The following NIPAL1 variants were observed in gnomAD, a reference collection of about 807,000 sequenced individuals.
NIPAL1 encodes magnesium transporter NIPA3.
NIPAL1 carries 35 observed loss-of-function variants against 37.7 expected under a neutral mutation model. The observed-to-expected ratio is 0.93, with a 90% CI of 0.71 to 1.23. The LOEUF is 1.23. Ranked by LOEUF, NIPAL1 falls within the 50% of genes most tolerant of loss-of-function variation. NIPAL1 has a pLI of 0.00. For missense variants in NIPAL1, 412 were observed against 473.9 expected, an observed-to-expected ratio of 0.87 and a Z score of 1.21; for synonymous variants, 162 against 183.0, an observed-to-expected ratio of 0.89 and a Z score of 0.93.
In NIPAL1 at chr4:48,039,781, T is replaced by C. The variant is rs1157713606; in HGVS notation, c.*3609T>C. ...AAATGTACTTTTCTTTGAATCAACA[T>C]TTGAATTCTTACAGTCTTGTCACTA... On this transcript the variant is annotated 3_prime_UTR_variant, in exon 6 of 6. Coordinates refer to ENST00000295461, the MANE Select transcript of NIPAL1 (RefSeq NM_207330.3). 6.6e-6 allele frequency: 1 copy of C among 152,222 alleles called. No individual in the cohort carries two copies. The highest frequency in any genetic ancestry group is 2.4e-5 in the African/African-American group (1 of 41,468). The allele number at this position is 152,222 out of a possible 1,614,324, so 9.4% of individuals were successfully genotyped here.
chr4:48,030,315 A>G (rs1719993559), intron 3 of NIPAL1, 139 bp downstream of exon 3: 2 of 568,274 alleles, frequency 3.5e-6, no homozygotes, highest in South Asian at 4.0e-5. Flanking sequence ...GTGTTAGTCA[A>G]TATATTGTCC....
At chr4:48,025,823 C>T (rs1715673615) in intron 2 of NIPAL1, among the ~76,000 whole-genome samples, 1 of 152,172 alleles carries the variant, frequency 6.6e-6, no homozygotes, top group African/African-American at 2.4e-5. Flanking sequence ...TCTGCCACCT[C>T]TCCAACTTCC....
chr4:48,036,264 C>T lies in NIPAL1; in HGVS notation c.*92C>T. 1.6e-6 allele frequency: 2 copies of T among 1,290,264 alleles called. No homozygotes were observed. Among genetic ancestry groups the T allele is most frequent in the Non-Finnish European group, 2.1e-6 (2 of 940,310 alleles). The allele number at this position is 1,290,264 out of a possible 1,614,324, so 79.9% of individuals were successfully genotyped here. On this transcript the variant is annotated 3_prime_UTR_variant, in exon 6 of 6. Transcript: ENST00000295461. ...TTGGAAGAACTGCTAGGAAAGTTAG[C>T]ATTTTTGCAGTTCTAACTAATTTAG...
At chr4:48,032,211 C>T (rs527511609) in intron 3 of NIPAL1, among the ~76,000 whole-genome samples, 2 of 152,336 alleles carry the variant, frequency 1.3e-5, no homozygotes, top group African/African-American at 4.8e-5. Context: ...CTTTCTCTCT[C>T]TACAATAAGC....
chr4:48,030,181 G>T lies in NIPAL1; in HGVS notation c.370+5G>T. ...GGTGGGTAGGATTGCTGTCAAGTAA[G>T]TTTTTAATACTGAGAATACTGTTTA... On this transcript the variant is annotated splice_donor_5th_base_variant and intron_variant, in intron 3 of 5. Transcript: ENST00000295461. 1 of 1,537,900 alleles carries T rather than the reference G, an allele frequency of 6.5e-7. No individual in the cohort carries two copies. The highest frequency in any genetic ancestry group is 9.0e-7 in the Non-Finnish European group (1 of 1,111,018).
Position 48,036,069 on chromosome 4 carries a change from C to G in NIPAL1, c.1130C>G (p.Ser377Cys). 2 of 1,609,782 alleles carry G rather than the reference C, an allele frequency of 1.2e-6. No homozygotes were observed. The highest frequency in any genetic ancestry group is 8.5e-7 in the Non-Finnish European group (1 of 1,179,044). Residue 377 changes from serine to cysteine, a missense_variant, in exon 6 of 6, where the codon TCT (serine) becomes TGT (cysteine). Ser to Cys is a moderately radical substitution (Grantham distance 112). Transcript: ENST00000295461. The stretch of plus-strand genomic sequence containing the variant: ...TCCACTGCTAAGAAAGAAGCCGTCT[C>G]TCTGAATGTCAATGAAAACAATTAT... ...LTSTAKKEAV[S>C]LNVNENNYVL...
chr4:48,029,354 T>C (rs749023564), intron 2 of NIPAL1, among the ~76,000 whole-genome samples: 2 of 152,214 alleles, frequency 1.3e-5, no homozygotes, highest in African/African-American at 2.4e-5. Flanking sequence ...TTCTTACTTA[T>C]AAGTGGGAGC....
At chr4:48,030,422 C>T (rs1715795351) in intron 3 of NIPAL1, among the ~76,000 whole-genome samples, 1 of 152,146 alleles carries the variant, frequency 6.6e-6, no homozygotes, top group Non-Finnish European at 1.5e-5. Flanking sequence ...AAAAAGTTGA[C>T]CTTTGAAATA....
At chr4:48,018,487 A>G (rs973387600) in intron 1 of NIPAL1, among the ~76,000 whole-genome samples, 4 of 152,204 alleles carry the variant, frequency 2.6e-5, no homozygotes, top group Non-Finnish European at 4.4e-5. Context: ...GTGGGAAGAG[A>G]TTAGGCTTTG....
chr4:48,028,906 T>A (rs1234550602), intron 2 of NIPAL1, among the ~76,000 whole-genome samples: 6 of 151,908 alleles, frequency 3.9e-5, no homozygotes, highest in Admixed American at 3.9e-4. Context: ...TATTAACAAG[T>A]CAAAAAACAA....
chr4:48,035,862 C>A lies in NIPAL1; in HGVS notation c.923C>A (p.Pro308His), dbSNP rs1471796594. 1 of 1,613,852 alleles carries A rather than the reference C, an allele frequency of 6.2e-7. No individual in the cohort carries two copies. Among genetic ancestry groups the A allele is most frequent in the South Asian group, 1.1e-5 (1 of 91,070 alleles). Residue 308 changes from proline to histidine, a missense_variant, in exon 6 of 6, where the codon CCC becomes CAC. Physicochemically the swap from Pro to His is moderately conservative, Grantham distance 77. Coordinates refer to ENST00000295461, the MANE Select transcript of NIPAL1 (RefSeq NM_207330.3). ...ACCTTTAATACCTCTCTTGTGACACCCATTTATTATGTATTCTTCACATCC... is the reference window on the plus strand; with the variant it reads ...ACCTTTAATACCTCTCTTGTGACACACATTTATTATGTATTCTTCACATCC... The part of the protein sequence containing the change: ...LDTFNTSLVT[P>H]IYYVFFTSMV...
chr4:48,025,703 C>T (rs756595828), intron 2 of NIPAL1, among the ~76,000 whole-genome samples: 4 of 152,212 alleles, frequency 2.6e-5, no homozygotes, highest in African/African-American at 7.2e-5. Flanking sequence ...AAAAAGAACA[C>T]ATGTACAACT....
At position 48,035,915 on chromosome 4, in the gene NIPAL1, T is replaced by C. The variant is rs1560326107; in HGVS notation, c.976T>C (p.Phe326Leu). The C allele has an allele frequency of 6.2e-7, 1 of 1,614,044 alleles. No individual in the cohort carries two copies. The highest frequency in any genetic ancestry group is 8.5e-7 in the Non-Finnish European group (1 of 1,179,932). The change falls in exon 6 of 6, where the codon TTC (phenylalanine) becomes CTC (leucine). Residue 326 changes from phenylalanine (F) to leucine (L), a missense_variant. Coordinates refer to ENST00000295461, the MANE Select transcript of NIPAL1 (RefSeq NM_207330.3). ...GGTAGTGACTTGCTCTGCCATCTTA[T>C]TCCAAGAGTGGTATGGCATGACAGC... The part of the protein sequence containing the change: ...SMVVTCSAIL[F>L]QEWYGMTAGD...
In NIPAL1 at chr4:48,035,949, T is replaced by C. The variant is rs759275356; in HGVS notation, c.1010T>C (p.Ile337Thr). 6.2e-7 allele frequency: 1 copy of C among 1,613,992 alleles called. No homozygotes were observed. Among genetic ancestry groups the C allele is most frequent in the African/African-American group, 1.3e-5 (1 of 75,038 alleles). ...TGGTATGGCATGACAGCTGGAGATA[T>C]CATTGGGACCCTGAGTGGATTCTTC... ...QEWYGMTAGD[I>T]IGTLSGFFTI... Residue 337 changes from isoleucine (I) to threonine (T), a missense_variant, in exon 6 of 6, where the codon ATC becomes ACC. Coordinates refer to ENST00000295461, the MANE Select transcript of NIPAL1 (RefSeq NM_207330.3).
At chr4:48,022,756 A>G (rs1342617606) in intron 1 of NIPAL1, among the ~76,000 whole-genome samples, 1 of 152,208 alleles carries the variant, frequency 6.6e-6, no homozygotes, top group Admixed American at 6.5e-5. Flanking sequence ...CAAGATTGCT[A>G]AGGGCTAGCT....
At chr4:48,030,304 T>G in intron 3 of NIPAL1, 128 bp downstream of exon 3, 1 of 599,544 alleles carries the variant, frequency 1.7e-6, no homozygotes, top group South Asian at 1.9e-5. Context: ...TAAACATTTT[T>G]GTGTTAGTCA....
Position 48,035,006 on chromosome 4 carries a change from C to A in NIPAL1, c.587C>A (p.Ser196Tyr). ...GCCCCACAAGAAGAGGAAGTCACAT[C>A]TTTGCATGAAATGGAAATGAAATTG... ...IHAPQEEEVT[S>Y]LHEMEMKLRD... Residue 196 changes from serine to tyrosine, a missense_variant, in exon 5 of 6, where the codon TCT becomes TAT. Coordinates refer to ENST00000295461, the MANE Select transcript of NIPAL1 (RefSeq NM_207330.3). 6.2e-7 allele frequency: 1 copy of A among 1,614,016 alleles called. No individual in the cohort carries two copies. The highest frequency in any genetic ancestry group is 8.5e-7 in the Non-Finnish European group (1 of 1,179,908).
intron 2 of NIPAL1, among the ~76,000 whole-genome samples, chr4:48,028,673 C>A (rs1222893286): frequency 6.6e-6 from 1 of 152,096 alleles, no homozygotes; most frequent in Admixed American, 6.6e-5. Flanking sequence ...AACTAAGCAT[C>A]TGACAAAGGT....
intron 2 of NIPAL1, among the ~76,000 whole-genome samples, chr4:48,026,376 A>C (rs981974659): frequency 6.6e-6 from 1 of 152,212 alleles, no homozygotes; most frequent in African/African-American, 2.4e-5. Context: ...ATGGAAAAAA[A>C]TCAATGATTA....
Sources: gnomAD v4.1 joint callset for allele counts (sites outside exome capture counted in the v4.1 genomes callset) on GRCh38, gnomAD v4.1.1 for gene constraint, MANE v1.5 for transcripts, NCBI Gene and HGNC (gene_info 2026-07-23, HGNC 2026-07-21) for gene names.